The following LRRFIP1 variants were observed in gnomAD, a reference collection of about 807,000 sequenced individuals.
The protein encoded by LRRFIP1 is leucine-rich repeat flightless-interacting protein 1.
A neutral mutation model predicts 104.4 loss-of-function variants in LRRFIP1; 62 were observed. That is an observed-to-expected ratio of 0.59 (90% confidence interval 0.48 to 0.73). The LOEUF (loss-of-function observed/expected upper bound fraction) is 0.73. Among genes scored for constraint, LRRFIP1 ranks in the 30% least tolerant of loss-of-function variants. LRRFIP1 has a pLI of 0.00. For missense variants in LRRFIP1, 796 were observed against 824.5 expected, an observed-to-expected ratio of 0.97 and a Z score of 0.42; for synonymous variants, 300 against 299.0, an observed-to-expected ratio of 1.00 and a Z score of -0.03.
chr2:237,730,677 G>A (rs768507304), intron 8 of LRRFIP1, among the ~76,000 whole-genome samples: 58 of 152,234 alleles, frequency 3.8e-4, no homozygotes, highest in African/African-American at 1.7e-4. Context: ...CCAGCACTTC[G>A]GGAGGCCGAG....
intron 1 of LRRFIP1, among the ~76,000 whole-genome samples, chr2:237,674,956 C>T (rs1324610077): frequency 6.6e-6 from 1 of 152,226 alleles, no homozygotes; most frequent in Non-Finnish European, 1.5e-5. Context: ...TCGGGCCCTG[C>T]CCCCAGAGAG....
chr2:237,725,931 C>T (rs1036388516), intron 7 of LRRFIP1, among the ~76,000 whole-genome samples: 3 of 152,204 alleles, frequency 2.0e-5, no homozygotes, highest in Non-Finnish European at 2.9e-5. Flanking sequence ...ATACATTTCT[C>T]TTCCTCATTT....
intron 1 of LRRFIP1, among the ~76,000 whole-genome samples, chr2:237,688,679 G>A (rs1010532847): frequency 2.5e-4 from 38 of 151,844 alleles, no homozygotes; most frequent in Admixed American, 1.6e-3. Context: ...GGCTGGTCTC[G>A]AACTCCTGGG....
intron 23 of LRRFIP1, 111 bp from the exon 24 acceptor site, chr2:237,779,311 C>T (rs765513732): frequency 7.8e-5 from 112 of 1,445,136 alleles, no homozygotes; most frequent in Non-Finnish European, 9.8e-5. Flanking sequence ...GGACCAGGGG[C>T]CAAGTTATCA....
intron 1 of LRRFIP1, among the ~76,000 whole-genome samples, chr2:237,696,737 A>G (rs1377548104): frequency 6.6e-6 from 1 of 152,232 alleles, no homozygotes; most frequent in Non-Finnish European, 1.5e-5. Context: ...TCACCACTGT[A>G]TGCAATGCTG....
Position 237,779,556 on chromosome 2 carries a change from G to T in LRRFIP1, c.*24G>T. 3 of 1,576,146 alleles carry T rather than the reference G, an allele frequency of 1.9e-6. No homozygotes were observed. Among genetic ancestry groups the T allele is most frequent in the Non-Finnish European group, 2.6e-6 (3 of 1,146,382 alleles). On this transcript the variant is annotated 3_prime_UTR_variant, in exon 24 of 24. Transcript: ENST00000308482. ...AAATTCCAGCTCTGATCAGGCAACT[G>T]GTTGGTGACTGGAGAGCATTGTTTC...
chr2:237,660,566 G>A (rs553774119), intron 1 of LRRFIP1, among the ~76,000 whole-genome samples: 7 of 152,134 alleles, frequency 4.6e-5, no homozygotes, highest in Non-Finnish European at 7.3e-5. Context: ...TGTTTAACCC[G>A]GAAGTTCTAC....
At chr2:237,714,064 T>C (rs73099102) in intron 2 of LRRFIP1, among the ~76,000 whole-genome samples, 195 bp from the exon 3 acceptor site, 2,554 of 152,330 alleles carry the variant, frequency 0.017, 77 homozygotes, top group African/African-American at 0.057. Flanking sequence ...CCAATGTATC[T>C]AAAATGAAAT....
chr2:237,671,044 C>T (rs1245687753), intron 1 of LRRFIP1, among the ~76,000 whole-genome samples: 1 of 152,214 alleles, frequency 6.6e-6, no homozygotes, highest in Non-Finnish European at 1.5e-5. Flanking sequence ...CCTCGCATTT[C>T]ATCTGAAGAG....
chr2:237,756,301 A>C, intron 16 of LRRFIP1, 114 bp downstream of exon 16: 1 of 683,500 alleles, frequency 1.5e-6, no homozygotes, highest in Non-Finnish European at 2.4e-6. Flanking sequence ...AGCATGGCTT[A>C]AACAACAGAA....
intron 19 of LRRFIP1, chr2:237,763,620 C>T (rs1016328641): frequency 1.2e-6 from 2 of 1,613,818 alleles, no homozygotes; most frequent in African/African-American, 2.7e-5. Context: ...AAAATTGCAG[C>T]AGAAAGCAGT....
intron 1 of LRRFIP1, among the ~76,000 whole-genome samples, chr2:237,679,580 C>CA (rs1215735431): frequency 6.6e-6 from 1 of 152,060 alleles, no homozygotes; most frequent in African/African-American, 2.4e-5. Context: ...ATAACAGAAA[C>CA]AAAAAACCAA....
At chr2:237,686,503 A>C (rs2092379790) in intron 1 of LRRFIP1, among the ~76,000 whole-genome samples, 1 of 152,116 alleles carries the variant, frequency 6.6e-6, no homozygotes, top group African/African-American at 2.4e-5. Flanking sequence ...CTATCCATCT[A>C]CCCACCCATC....
At chr2:237,728,403 A>C (rs1315356616) in intron 8 of LRRFIP1, among the ~76,000 whole-genome samples, 2 of 152,182 alleles carry the variant, frequency 1.3e-5, no homozygotes, top group African/African-American at 2.4e-5. Flanking sequence ...AGAATAAAAC[A>C]ATGCAGATGC....
intron 19 of LRRFIP1, among the ~76,000 whole-genome samples, chr2:237,767,363 A>G (rs1372431212): frequency 6.6e-6 from 1 of 152,228 alleles, no homozygotes; most frequent in East Asian, 1.9e-4. Context: ...ACTATCATAC[A>G]GAATAGAGAA....
chr2:237,719,461 T>C, intron 4 of LRRFIP1, 62 bp from the exon 5 acceptor site: 1 of 1,271,852 alleles, frequency 7.9e-7, no homozygotes, highest in African/African-American at 1.5e-5. Context: ...CTAAGCTTTT[T>C]TAAAGCACTT....
At chr2:237,682,528 C>G (rs2091949922) in intron 1 of LRRFIP1, among the ~76,000 whole-genome samples, 1 of 152,202 alleles carries the variant, frequency 6.6e-6, no homozygotes. Context: ...GTTGTTTTCT[C>G]TCCCATCGGC....
intron 13 of LRRFIP1, among the ~76,000 whole-genome samples, chr2:237,750,425 C>T (rs1017174791): frequency 6.7e-6 from 1 of 148,842 alleles, no homozygotes; most frequent in African/African-American, 2.5e-5. Context: ...CAACCTCCAC[C>T]TCCCAGGTTC....
intron 4 of LRRFIP1, among the ~76,000 whole-genome samples, chr2:237,718,117 G>T (rs2150139467): frequency 6.6e-6 from 1 of 152,316 alleles, no homozygotes; most frequent in East Asian, 1.9e-4. Flanking sequence ...ATCTCCTCGA[G>T]CACAGGGCTC....
Sources: allele counts gnomAD v4.1 joint callset (sites outside exome capture counted in the v4.1 genomes callset), GRCh38; gene constraint gnomAD v4.1.1; transcripts MANE v1.5; gene names NCBI Gene and HGNC (gene_info 2026-07-23, HGNC 2026-07-21).